Variants in TRMT9B observed in about 807,000 individuals in gnomAD.
TRMT9B encodes the protein tRNA methyltransferase 9B (putative).
Under a neutral mutation model 11.5 loss-of-function variants are expected in TRMT9B, and 16 were observed. The ratio of observed to expected loss-of-function variants is 1.39; its 90% CI spans 0.94 to 2.11. TRMT9B has a LOEUF of 2.11. Ranked by LOEUF, TRMT9B falls within the 30% of genes most tolerant of loss-of-function variation. The pLI, the probability that TRMT9B is intolerant of heterozygous loss-of-function variation, is 0.00. For missense variants in TRMT9B, 941 were observed against 553.8 expected, an observed-to-expected ratio of 1.70 and a Z score of -7.02; for synonymous variants, 274 against 192.4, an observed-to-expected ratio of 1.42 and a Z score of -3.51.
Position 13,026,793 on chromosome 8 carries a change from C to G in TRMT9B, c.*4749C>G, listed in dbSNP as rs1290583137. 6.0e-6 allele frequency: 1 copy of G among 167,058 alleles called. No individual in the cohort carries two copies. The highest frequency in any genetic ancestry group is 2.4e-5 in the African/African-American group (1 of 41,430). 10.3% of individuals were successfully genotyped at this position (167,058 alleles called of 1,614,324 possible). A position where few individuals can be genotyped will look rare whatever the true frequency, so the allele number is the denominator to read the frequency against. The stretch of plus-strand genomic sequence containing the variant: ...CTGCTCTTAACCACAACACCATATA[C>G]TCCCACCCCTGGGCCCAGCTCATGT... On this transcript the variant is annotated 3_prime_UTR_variant, in exon 5 of 5. Transcript: ENST00000524591.
chr8:12,948,177 G>A (rs1411680234), intron 1 of TRMT9B, among the ~76,000 whole-genome samples: 2 of 152,074 alleles, frequency 1.3e-5, no homozygotes, highest in Non-Finnish European at 2.9e-5. Context: ...CTTAAAATGT[G>A]CTCAGAACAC....
intron 1 of TRMT9B, among the ~76,000 whole-genome samples, chr8:12,978,371 C>T (rs1804782985): frequency 6.6e-6 from 1 of 152,180 alleles, no homozygotes; most frequent in African/African-American, 2.4e-5. Flanking sequence ...GTGCCCATTG[C>T]AACCTGGCAA....
intron 3 of TRMT9B, chr8:13,011,798 A>T: frequency 1.0e-6 from 1 of 955,966 alleles, no homozygotes; most frequent in Non-Finnish European, 1.2e-6. Flanking sequence ...ACCCATAGAG[A>T]TCATTTTAAA....
rs781662547 is a variant in TRMT9B at position 13,006,294 on chromosome 8, C to A, written c.92C>A (p.Ala31Asp). Residue 31 changes from alanine to aspartate, a missense_variant, in exon 3 of 5, where the codon GCC becomes GAC. Transcript: ENST00000524591. ...TACTTCAGCGACCTGCAGAGCAAAGCCTGGCCTCGTGTCCGCCAGTTCCTG... is the reference window on the plus strand; with the variant it reads ...TACTTCAGCGACCTGCAGAGCAAAGACTGGCCTCGTGTCCGCCAGTTCCTG... ...APYFSDLQSK[A>D]WPRVRQFLQE... is the part of the protein sequence containing the mutation. 1.4e-5 allele frequency: 23 copies of A among 1,613,772 alleles called. No individual in the cohort carries two copies. Among genetic ancestry groups the A allele is most frequent in the Non-Finnish European group, 1.7e-6 (2 of 1,179,882 alleles).
chr8:13,017,478 G>A (rs1310204579), intron 4 of TRMT9B, among the ~76,000 whole-genome samples: 1 of 152,072 alleles, frequency 6.6e-6, no homozygotes, highest in Non-Finnish European at 1.5e-5. Context: ...ATTCAACATA[G>A]TTTCCAGACA....
intron 1 of TRMT9B, among the ~76,000 whole-genome samples, chr8:12,965,652 G>A (rs1428832783): frequency 6.6e-6 from 1 of 151,810 alleles, no homozygotes; most frequent in Admixed American, 6.6e-5. Context: ...ACTACAAGCA[G>A]GAAATTAGAA....
chr8:12,965,988 G>T (rs1802756846), intron 1 of TRMT9B, among the ~76,000 whole-genome samples: 1 of 151,682 alleles, frequency 6.6e-6, no homozygotes, highest in African/African-American at 2.4e-5. Context: ...ACCCCAGCCT[G>T]GGTGACAGAG....
At position 12,968,615 on chromosome 8, in the gene TRMT9B, G is replaced by A. The variant is rs550888661; in HGVS notation, c.-199-22219G>A. On this transcript the variant is annotated intron_variant, in intron 1 of 4. Transcript: ENST00000524591. ...GCATGAGCTGTGAGCCGATAGCCACGTGGACTCCAGGTTCAACTCCCTACT... is the reference window on the plus strand; with the variant it reads ...GCATGAGCTGTGAGCCGATAGCCACATGGACTCCAGGTTCAACTCCCTACT... 2.7e-3 allele frequency among the ~76,000 whole-genome samples: 418 copies of A among 152,246 alleles called. 3 individuals are homozygous for A. The highest frequency in any genetic ancestry group is 8.9e-3 in the African/African-American group (370 of 41,550).
chr8:13,028,610 C>G lies in TRMT9B; in HGVS notation c.*6566C>G, dbSNP rs1441575487. 7.6e-6 allele frequency: 1 copy of G among 131,616 alleles called. No individual in the cohort carries two copies. Among genetic ancestry groups the G allele is most frequent in the Non-Finnish European group, 1.6e-5 (1 of 64,504 alleles). The allele number at this position is 131,616 out of a possible 1,614,324, so 8.2% of individuals were successfully genotyped here. Reference sequence around the variant, plus strand: ...TTTTTTTTTGAGACAGTGTCTCACTCTGTCACCCAGGCTGGAGGGCAGTAG... The same window carrying G: ...TTTTTTTTTGAGACAGTGTCTCACTGTGTCACCCAGGCTGGAGGGCAGTAG... On this transcript the variant is annotated 3_prime_UTR_variant, in exon 5 of 5. Transcript: ENST00000524591.
At chr8:13,019,023 T>G (rs532030879) in intron 4 of TRMT9B, among the ~76,000 whole-genome samples, 2 of 152,198 alleles carry the variant, frequency 1.3e-5, no homozygotes, top group African/African-American at 4.8e-5. Flanking sequence ...GCTGGGAATA[T>G]TTGCACTGAG....
chr8:12,967,063 T>A (rs1802922704), intron 1 of TRMT9B, among the ~76,000 whole-genome samples: 1 of 152,166 alleles, frequency 6.6e-6, no homozygotes, highest in Non-Finnish European at 1.5e-5. Context: ...ATCCTAGGTA[T>A]TTTTTTAACA....
rs551320297 is a variant in TRMT9B, at chr8:13,012,852, T to C, written c.323T>C (p.Ile108Thr). The part of the protein sequence containing the change: ...RDEGFDAIIS[I>T]GVIHHFSTKQ... ...GAGGGCTTCGATGCCATCATCTCCA[T>C]AGGAGGTAAGGCAGCCAGATCACAC... The change falls in exon 4 of 5, where the codon ATA becomes ACA. Residue 108 changes from isoleucine (I) to threonine (T), a missense_variant. By Grantham distance (89) the Ile-to-Thr change is moderately conservative (BLOSUM62 -1). Coordinates refer to ENST00000524591, the MANE Select transcript of TRMT9B (RefSeq NM_020844.3). 1.2e-6 allele frequency: 2 copies of C among 1,613,678 alleles called. No homozygotes were observed. Among genetic ancestry groups the C allele is most frequent in the Admixed American group, 1.7e-5 (1 of 60,020 alleles).
At chr8:13,002,461 G>A (rs927099773) in intron 2 of TRMT9B, among the ~76,000 whole-genome samples, 2 of 152,136 alleles carry the variant, frequency 1.3e-5, no homozygotes, top group East Asian at 1.9e-4. Flanking sequence ...TGTTTACTTC[G>A]TAAATTTCAG....
chr8:12,955,078 T>C (rs1030615876), intron 1 of TRMT9B, among the ~76,000 whole-genome samples: 3 of 152,230 alleles, frequency 2.0e-5, no homozygotes, highest in Non-Finnish European at 1.5e-5. Flanking sequence ...TCCTGGAGGC[T>C]GCAGAGAGGT....
At position 13,006,242 on chromosome 8, in the gene TRMT9B, C is replaced by T. The variant is rs748802056; in HGVS notation, c.40C>T (p.His14Tyr). The T allele has an allele frequency of 2.5e-6, 4 of 1,613,968 alleles. No homozygotes were observed. Among genetic ancestry groups the T allele is most frequent in the Admixed American group, 1.7e-5 (1 of 60,008 alleles). ...CGCCCAGCTGGAGAAGCAGCATGTG[C>T]ACAATGTGTACGAGAGCACAGCCCC... ...EAAQLEKQHVHNVYESTAPYF... is the reference protein window; with the variant it reads ...EAAQLEKQHVYNVYESTAPYF... Residue 14 changes from histidine (H) to tyrosine (Y), a missense_variant, in exon 3 of 5, where the codon CAC becomes TAC. Physicochemically the swap from His to Tyr is moderately conservative, Grantham distance 83 (BLOSUM62 2). Transcript: ENST00000524591.
At chr8:13,000,025 A>C (rs577897163) in intron 2 of TRMT9B, among the ~76,000 whole-genome samples, 4 of 152,356 alleles carry the variant, frequency 2.6e-5, no homozygotes, top group Non-Finnish European at 5.9e-5. Context: ...GATATTCTAC[A>C]GTTCATATGA....
chr8:12,959,591 C>A (rs1339294618), intron 1 of TRMT9B, among the ~76,000 whole-genome samples: 1 of 135,144 alleles, frequency 7.4e-6, no homozygotes, highest in African/African-American at 2.8e-5. Context: ...ACCATCATGG[C>A]TCATTGGAAC....
intron 1 of TRMT9B, among the ~76,000 whole-genome samples, chr8:12,978,831 C>A (rs1044616714): frequency 2.6e-5 from 4 of 152,190 alleles, no homozygotes; most frequent in African/African-American, 9.7e-5. Flanking sequence ...GTCCAGACTC[C>A]CTGGTAAGCT....
rs181751046 is a variant in TRMT9B at position 12,949,521 on chromosome 8, C to T, written c.-200+3555C>T. Among the ~76,000 whole-genome samples the T allele has an allele frequency of 1.2e-3, 189 of 152,278 alleles. 3 individuals are homozygous for T. The highest frequency in any genetic ancestry group is 4.3e-4 in the Non-Finnish European group (29 of 68,024). ...CTTTCCCACAACCATTACCCAAATT[C>T]TACTGGTGGTCACTGAAATGCCGCT... On this transcript the variant is annotated intron_variant, in intron 1 of 4. Coordinates refer to ENST00000524591, the MANE Select transcript of TRMT9B (RefSeq NM_020844.3).
Sources: allele counts gnomAD v4.1 joint callset (sites outside exome capture counted in the v4.1 genomes callset), GRCh38; gene constraint gnomAD v4.1.1; transcripts MANE v1.5; gene names NCBI Gene and HGNC (gene_info 2026-07-23, HGNC 2026-07-21).